FRMD4B: variants seen among roughly 807,000 people sequenced by gnomAD.
The protein encoded by FRMD4B is FERM domain-containing protein 4B.
In FRMD4B, 74 loss-of-function variants were observed where a neutral mutation model predicts 141.5. The observed-to-expected ratio is 0.52, with a 90% CI of 0.43 to 0.63. The LOEUF (loss-of-function observed/expected upper bound fraction) is 0.63, where lower values mean the gene tolerates loss of function less well. Ranked by LOEUF, FRMD4B falls within the 30% of genes least tolerant of loss-of-function variation. The pLI is 0.00. For missense variants in FRMD4B, 1,366 were observed against 1,253.4 expected (o/e 1.09, Z -1.36); for synonymous variants, 506 against 467.9 (o/e 1.08, Z -1.05).
At chr3:69,277,101 A>G (rs1434001769) in intron 5 of FRMD4B, among the ~76,000 whole-genome samples, 2 of 152,222 alleles carry the variant, frequency 1.3e-5, no homozygotes. Flanking sequence ...ACATGATTGC[A>G]TAGTCTTGCA....
chr3:69,451,084 C>A (rs6787023), intron 1 of FRMD4B, among the ~76,000 whole-genome samples: 91,515 of 151,914 alleles, frequency 0.6, 27,698 homozygotes, highest in East Asian at 0.75. Context: ...CCTTCCACTC[C>A]GAGCCTCTGC....
chr3:69,341,616 T>G (rs1702740367), intron 1 of FRMD4B, among the ~76,000 whole-genome samples: 1 of 152,172 alleles, frequency 6.6e-6, no homozygotes, highest in African/African-American at 2.4e-5. Flanking sequence ...CAGAAAACCT[T>G]GTTTCTTGGG....
At chr3:69,487,188 A>T (rs954400872) in intron 1 of FRMD4B, among the ~76,000 whole-genome samples, 2 of 152,224 alleles carry the variant, frequency 1.3e-5, no homozygotes, top group Admixed American at 1.3e-4. Context: ...GTGCTGGAGC[A>T]GTCTCATAGA....
In FRMD4B at chr3:69,195,014, G is replaced by T; in HGVS notation, c.1488+8C>A. 1.9e-6 allele frequency: 3 copies of T among 1,612,090 alleles called. No homozygotes were observed. The highest frequency in any genetic ancestry group is 4.5e-5 in the East Asian group (2 of 44,876). ...ATTAATTGAAAGGCTCAGAGGCGTT[G>T]TTCATACTTCTTCACTCGGCAGCAA... On this transcript the variant is annotated splice_region_variant and intron_variant, in intron 16 of 22. Coordinates refer to ENST00000398540, the MANE Select transcript of FRMD4B (RefSeq NM_015123.3).
At chr3:69,507,238 A>G (rs1285665990) in intron 1 of FRMD4B, among the ~76,000 whole-genome samples, 1 of 152,202 alleles carries the variant, frequency 6.6e-6, no homozygotes, top group Non-Finnish European at 1.5e-5. Context: ...AATTTTGAGT[A>G]TCCAGAGTTA....
chr3:69,447,296 G>A (rs1295926792), intron 1 of FRMD4B, among the ~76,000 whole-genome samples: 1 of 152,102 alleles, frequency 6.6e-6, no homozygotes. Context: ...TCATATATGT[G>A]AAGATGAGAC....
intron 2 of FRMD4B, among the ~76,000 whole-genome samples, chr3:69,425,722 T>A (rs1454568104): frequency 6.6e-6 from 1 of 152,198 alleles, no homozygotes; most frequent in Non-Finnish European, 1.5e-5. Flanking sequence ...AGATGCACAA[T>A]AATGTTTTAT....
upstream of FRMD4B, chr3:69,386,122 G>T (rs1268375830): frequency 1.2e-6 from 1 of 806,894 alleles, no homozygotes; most frequent in Non-Finnish European, 1.9e-6. Context: ...CACCAAACTC[G>T]TCTTTCACCG....
intron 1 of FRMD4B, among the ~76,000 whole-genome samples, chr3:69,514,781 G>A (rs921050649): frequency 2.6e-5 from 4 of 152,000 alleles, no homozygotes; most frequent in African/African-American, 9.7e-5. Context: ...TAGGATGTCC[G>A]TGTTACCCAA....
intron 1 of FRMD4B, among the ~76,000 whole-genome samples, chr3:69,517,594 CAAAT>C (rs1460598405): frequency 6.6e-6 from 1 of 152,152 alleles, no homozygotes; most frequent in Non-Finnish European, 1.5e-5. Context: ...CAAAGGCCCC[CAAAT>C]AACGGATTAA....
chr3:69,229,084 G>A lies in FRMD4B; in HGVS notation c.582-4394C>T, dbSNP rs376912430. Among the ~76,000 whole-genome samples, 42 of 145,080 alleles carry A rather than the reference G, an allele frequency of 2.9e-4. No homozygotes were observed. The South Asian group carries it at 9.0e-3, about 31-fold the overall frequency. On this transcript the variant is annotated intron_variant, in intron 7 of 22. Transcript: ENST00000398540. Reference sequence around the variant, plus strand: ...TCTGTTGCCCAGGCTGGAGTGCAGTGGCTCAATCATGGCTCACTGCAGCCT... The same window carrying A: ...TCTGTTGCCCAGGCTGGAGTGCAGTAGCTCAATCATGGCTCACTGCAGCCT...
At chr3:69,494,063 A>G (rs1027621238) in intron 1 of FRMD4B, among the ~76,000 whole-genome samples, 1 of 152,220 alleles carries the variant, frequency 6.6e-6, no homozygotes, top group Non-Finnish European at 1.5e-5. Context: ...AGAAATTTGT[A>G]GAGACAGGGT....
At chr3:69,364,713 A>T (rs976459542) in intron 1 of FRMD4B, among the ~76,000 whole-genome samples, 9 of 152,202 alleles carry the variant, frequency 5.9e-5, no homozygotes, top group African/African-American at 9.7e-5. Flanking sequence ...ATGAAATCTC[A>T]TCGAGACAAT....
At chr3:69,341,824 G>C (rs1408016575) in intron 1 of FRMD4B, among the ~76,000 whole-genome samples, 1 of 152,218 alleles carries the variant, frequency 6.6e-6, no homozygotes, top group Non-Finnish European at 1.5e-5. Context: ...GATATAGCAA[G>C]ATGGCCCTTA....
rs746587742 is a variant in FRMD4B at position 69,386,029 on chromosome 3, G to C, written c.-40C>G. ...TCTGAACCCGGGCGTCCCGGCTCTCGTACGTGCAGCCCCGACCCCAGCGGC... is the reference window on the plus strand; with the variant it reads ...TCTGAACCCGGGCGTCCCGGCTCTCCTACGTGCAGCCCCGACCCCAGCGGC... On this transcript the variant is annotated 5_prime_UTR_variant, in exon 1 of 23. Coordinates refer to ENST00000398540, the MANE Select transcript of FRMD4B (RefSeq NM_015123.3). 2.0e-6 allele frequency: 3 copies of C among 1,518,696 alleles called. No homozygotes were observed. Among genetic ancestry groups the C allele is most frequent in the South Asian group, 1.3e-5 (1 of 78,470 alleles). 94.1% of individuals were successfully genotyped at this position (1,518,696 alleles called of 1,614,324 possible).
chr3:69,265,268 AAATATATATATATATATATATATATATAT>A (rs2093554565), intron 5 of FRMD4B, among the ~76,000 whole-genome samples: 1 of 28,872 alleles, frequency 3.5e-5, no homozygotes, highest in African/African-American at 1.4e-4. Flanking sequence ...AAAAAAAAAA[AAATATATATATATATATATATATATATAT>A]ATATATATAT....
chr3:69,189,222 C>CAAAAAAAAAAAAAAAAAAAAAAAAAAAA, intron 18 of FRMD4B, among the ~76,000 whole-genome samples: 1 of 39,774 alleles, frequency 2.5e-5, no homozygotes, highest in Non-Finnish European at 4.6e-5. Flanking sequence ...AACTCCATCT[C>CAAAAAAAAAAAAAAAAAAAAAAAAAAAA]AAAAAAAAAA....
intron 1 of FRMD4B, among the ~76,000 whole-genome samples, chr3:69,366,060 A>AACACACACACACACAC (rs4063529): frequency 7.9e-6 from 1 of 127,140 alleles, no homozygotes; most frequent in Non-Finnish European, 1.6e-5. Context: ...ACCTCTACAA[A>AACACACACACACACAC]ACACACACAC....
chr3:69,532,596 C>T (rs1372961938), intron 1 of FRMD4B, among the ~76,000 whole-genome samples: 3 of 152,182 alleles, frequency 2.0e-5, no homozygotes, highest in Admixed American at 6.5e-5. Flanking sequence ...GGTTGTTGAT[C>T]CAGTGCCAAT....
Sources: gnomAD v4.1 joint callset for allele counts (sites outside exome capture counted in the v4.1 genomes callset) on GRCh38, gnomAD v4.1.1 for gene constraint, MANE v1.5 for transcripts, NCBI Gene and HGNC (gene_info 2026-07-23, HGNC 2026-07-21) for gene names.